The following NCAM1 variants were observed in gnomAD, a reference collection of about 807,000 sequenced individuals.
NCAM1 encodes neural cell adhesion molecule 1.
NCAM1 carries 14 observed loss-of-function variants against 109.8 expected under a neutral mutation model. The observed-to-expected ratio is 0.13, with a 90% CI of 0.08 to 0.20. The LOEUF is 0.20. NCAM1 is among the 10% of genes least tolerant of loss of function. The pLI, the probability that NCAM1 is intolerant of heterozygous loss-of-function variation, is 1.00. For synonymous variants in NCAM1, 418 were observed against 442.9 expected, an observed-to-expected ratio of 0.94 and a Z score of 0.70; for missense variants, 774 against 1,109.9, an observed-to-expected ratio of 0.70 and a Z score of 4.30.
Position 113,167,707 on chromosome 11 carries a change from C to T in NCAM1, c.53-34672C>T, listed in dbSNP as rs577823854. On this transcript the variant is annotated intron_variant, in intron 1 of 19. Coordinates refer to ENST00000316851, the MANE Select transcript of NCAM1 (RefSeq NM_181351.5). ...TGAGGTCCCACTCCAGCCTGGAGCC[C>T]GTGTTCTATGCATTCTCATCATGTG... is the stretch of plus-strand genomic sequence containing the variant. Among the ~76,000 whole-genome samples, 33 of 152,214 alleles carry T rather than the reference C, an allele frequency of 2.2e-4. No individual in the cohort carries two copies. In the South Asian group the frequency reaches 6.4e-3, roughly 30 times the overall value.
chr11:113,070,588 A>G (rs1938215903), intron 1 of NCAM1, among the ~76,000 whole-genome samples: 1 of 152,140 alleles, frequency 6.6e-6, no homozygotes, highest in Admixed American at 6.5e-5. Flanking sequence ...ACAGGAGGAG[A>G]TGAAGGGTAC....
intron 1 of NCAM1, among the ~76,000 whole-genome samples, chr11:113,110,382 G>T (rs1449691034): frequency 6.6e-6 from 1 of 152,150 alleles, no homozygotes; most frequent in Admixed American, 6.6e-5. Context: ...ATCTATGATT[G>T]CTTGGCCTCT....
At chr11:113,144,140 G>T (rs1239892496) in intron 1 of NCAM1, among the ~76,000 whole-genome samples, 2 of 152,160 alleles carry the variant, frequency 1.3e-5, no homozygotes, top group African/African-American at 2.4e-5. Flanking sequence ...CTGGGTGTCT[G>T]GTTTCTAATC....
In NCAM1 at chr11:113,271,872, C is replaced by T; in HGVS notation, c.2452C>T (p.Pro818Ser). Residue 818 changes from proline to serine, a missense_variant, in exon 19 of 20, where the codon CCC (proline) becomes TCC (serine). Around this residue, in one of 4 missense-constraint regions of NCAM1, gnomAD observed 122 missense variants for 129.7 expected, o/e 0.94. Coordinates refer to ENST00000316851, the MANE Select transcript of NCAM1 (RefSeq NM_181351.5). ...CAACGAGACCACGCCACTGACGGAG[C>T]CCGAGTACGTGGGCTGGGAGGGGCT... is the stretch of plus-strand genomic sequence containing the variant. ...EPNETTPLTE[P>S]EKGPVEAKPE... 2 of 1,562,000 alleles carry T rather than the reference C, an allele frequency of 1.3e-6. No individual in the cohort carries two copies. The highest frequency in any genetic ancestry group is 1.7e-6 in the Non-Finnish European group (2 of 1,153,652).
intron 1 of NCAM1, among the ~76,000 whole-genome samples, chr11:113,141,475 T>C (rs980350556): frequency 2.0e-5 from 3 of 152,028 alleles, no homozygotes; most frequent in Non-Finnish European, 4.4e-5. Context: ...AGTAAAAATA[T>C]CAAAAATAAA....
chr11:113,236,921 T>C (rs1359524000), intron 14 of NCAM1, among the ~76,000 whole-genome samples: 1 of 152,226 alleles, frequency 6.6e-6, no homozygotes, highest in Non-Finnish European at 1.5e-5. Context: ...TTCCGAGCCA[T>C]GGGCATGTCC....
At chr11:113,231,221 T>C in intron 9 of NCAM1, 1 of 1,536,130 alleles carries the variant, frequency 6.5e-7, no homozygotes, top group Non-Finnish European at 8.7e-7. Context: ...AACTGGCAAG[T>C]GGGCAGACAG....
chr11:113,162,097 A>G (rs1287201113), intron 1 of NCAM1, among the ~76,000 whole-genome samples: 1 of 152,192 alleles, frequency 6.6e-6, no homozygotes, highest in Non-Finnish European at 1.5e-5. Flanking sequence ...TTATTTCTGT[A>G]TAATCTGTAA....
rs1308333253 is a variant in NCAM1 at position 113,233,484 on chromosome 11, C to A, written c.1693+167C>A. ...GTTGTTGCCCCTATTGCCACCCCAA[C>A]CCATGCTCTGTGCTTCAGAGCCTGG... On this transcript the variant is annotated intron_variant, in intron 13 of 19. Transcript: ENST00000316851. This position sits in a 1 kb window ranked among gnomAD's most constrained non-coding sequence, Gnocchi z 4.5. 9.4e-6 allele frequency among the ~76,000 whole-genome samples: 1 copy of A among 106,890 alleles called. No individual in the cohort carries two copies. Among genetic ancestry groups the A allele is most frequent in the Admixed American group, 8.2e-5 (1 of 12,230 alleles). 70.1% of individuals were successfully genotyped at this position (106,890 alleles called of 152,430 possible). A position where few individuals can be genotyped will look rare whatever the true frequency, so the allele number is the denominator to read the frequency against.
chr11:113,131,718 G>A (rs950911856), intron 1 of NCAM1, among the ~76,000 whole-genome samples: 2 of 152,168 alleles, frequency 1.3e-5, no homozygotes, highest in Admixed American at 6.5e-5. Context: ...TCCCCCAGAC[G>A]TCCCCAGCCA....
chr11:113,037,120 G>C (rs1555079280), intron 1 of NCAM1, among the ~76,000 whole-genome samples: 1 of 152,074 alleles, frequency 6.6e-6, no homozygotes, highest in Non-Finnish European at 1.5e-5. Flanking sequence ...CAATGCCTTA[G>C]AATTAACACC....
At chr11:113,240,808 C>G in intron 14 of NCAM1, 3 of 1,613,738 alleles carry the variant, frequency 1.9e-6, no homozygotes, top group Non-Finnish European at 2.5e-6. Flanking sequence ...GCTCGTCTAC[C>G]CCTGTTCCAT....
chr11:113,217,191 C>T (rs2137049150), intron 8 of NCAM1, among the ~76,000 whole-genome samples: 1 of 152,316 alleles, frequency 6.6e-6, no homozygotes, highest in Non-Finnish European at 1.5e-5. Flanking sequence ...GCACCCTGGC[C>T]TAGCATCCTT....
At chr11:113,250,301 G>T (rs1945637335) in intron 15 of NCAM1, among the ~76,000 whole-genome samples, 1 of 152,200 alleles carries the variant, frequency 6.6e-6, no homozygotes, top group South Asian at 2.1e-4. Flanking sequence ...AAGAATGTAT[G>T]CAACATAGAT....
At chr11:112,981,564 G>A (rs531324526) in intron 1 of NCAM1, among the ~76,000 whole-genome samples, 1 of 151,872 alleles carries the variant, frequency 6.6e-6, no homozygotes, top group Non-Finnish European at 1.5e-5. Flanking sequence ...AATATCTTAT[G>A]GGACTGCCCT....
chr11:113,047,876 C>T (rs1953326975), intron 1 of NCAM1, among the ~76,000 whole-genome samples: 1 of 152,076 alleles, frequency 6.6e-6, no homozygotes, highest in South Asian at 2.1e-4. Context: ...GATTAAATTA[C>T]CCCCCACTGA....
At position 113,263,076 on chromosome 11, in the gene NCAM1, G is replaced by T; in HGVS notation, c.2131+2753G>T. The stretch of plus-strand genomic sequence containing the variant: ...AGAGAAGGTTTTGTGATTGGAAAAA[G>T]CTTTACCTCCAGACATGTCACCACT... On this transcript the variant is annotated intron_variant, in intron 17 of 19. Coordinates refer to ENST00000316851, the MANE Select transcript of NCAM1 (RefSeq NM_181351.5). The T allele has an allele frequency of 4.3e-6, 6 of 1,395,370 alleles. 1 individual carries two copies. Among genetic ancestry groups the T allele is most frequent in the Non-Finnish European group, 5.6e-6 (6 of 1,074,110 alleles). 86.4% of individuals were successfully genotyped at this position (1,395,370 alleles called of 1,614,324 possible). A position where few individuals can be genotyped will look rare whatever the true frequency, so the allele number is the denominator to read the frequency against.
intron 1 of NCAM1, among the ~76,000 whole-genome samples, chr11:113,074,594 CTAG>C (rs1444111480): frequency 1.3e-5 from 2 of 152,096 alleles, no homozygotes; most frequent in Non-Finnish European, 2.9e-5. Context: ...TTGAAATGTG[CTAG>C]TATTATTGAG....
chr11:113,220,908 C>T (rs912652253), intron 8 of NCAM1, among the ~76,000 whole-genome samples: 3 of 152,040 alleles, frequency 2.0e-5, no homozygotes, highest in African/African-American at 7.2e-5. Flanking sequence ...CGCACCCGGC[C>T]AGAGGAGACC....
Sources: gnomAD v4.1 joint callset for allele counts (sites outside exome capture counted in the v4.1 genomes callset) on GRCh38, gnomAD v4.1.1 for gene constraint, gnomAD v4.1.1 regional missense constraint, Gnocchi (gnomAD v3.1) non-coding constraint, MANE v1.5 for transcripts, NCBI Gene and HGNC (gene_info 2026-07-23, HGNC 2026-07-21) for gene names.